AASDH: variants seen among roughly 807,000 people sequenced by gnomAD.
AASDH encodes the protein aminoadipate-semialdehyde dehydrogenase, also known as beta-alanine-activating enzyme.
In AASDH, 81 loss-of-function variants were observed where a neutral mutation model predicts 102.3. The ratio of observed to expected loss-of-function variants is 0.79; its 90% CI spans 0.66 to 0.95. The LOEUF is 0.95. Ranked by LOEUF, AASDH falls within the 40% of genes least tolerant of loss-of-function variation. AASDH has a pLI of 0.00. For synonymous variants in AASDH, 398 were observed against 454.0 expected (o/e 0.88, Z 1.57); for missense variants, 1,203 against 1,266.2 (o/e 0.95, Z 0.76).
chr4:56,355,147 C>G, intron 6 of AASDH, 35 bp downstream of exon 6: 1 of 1,586,510 alleles, frequency 6.3e-7, no homozygotes, highest in Non-Finnish European at 8.6e-7. Flanking sequence ...AATATACAGT[C>G]TCTCTTCTCT....
chr4:56,342,765 G>C (rs1747849281), intron 14 of AASDH, 70 bp downstream of exon 14: 1 of 634,088 alleles, frequency 1.6e-6, no homozygotes, highest in Admixed American at 5.5e-5. Context: ...AAAATTTCTA[G>C]TTCTATTTTT....
intron 5 of AASDH, among the ~76,000 whole-genome samples, chr4:56,365,995 A>T (rs1750951027): frequency 6.6e-6 from 1 of 152,198 alleles, no homozygotes; most frequent in Non-Finnish European, 1.5e-5. Flanking sequence ...AGAAGAAAAG[A>T]GAGAAGAATC....
rs954444722 is a variant in AASDH at position 56,384,413 on chromosome 4, C to T, written c.-42-72G>A. The T allele has an allele frequency of 1.1e-5, 8 of 696,792 alleles. No homozygotes were observed. The Admixed American group carries it at 2.1e-4, about 19-fold the overall frequency. 43.2% of individuals were successfully genotyped at this position (696,792 alleles called of 1,614,324 possible). On this transcript the variant is annotated intron_variant, in intron 1 of 14. Transcript: ENST00000205214. ...TCGGTGGAGGGACAGGGAAAAACTT[C>T]TCTACAATAATATCTCACAAAAATA...
At position 56,354,955 on chromosome 4, in the gene AASDH, G is replaced by A. The variant is rs1749423615; in HGVS notation, c.1104-144C>T. Reference sequence around the variant, plus strand: ...AAGACTGACAAGAGGAAAAGGTTAGGTGGAAAGGTAACCATATATGTTATT... The same window carrying A: ...AAGACTGACAAGAGGAAAAGGTTAGATGGAAAGGTAACCATATATGTTATT... On this transcript the variant is annotated intron_variant, in intron 6 of 14. Transcript: ENST00000205214. 3.5e-6 allele frequency: 3 copies of A among 851,744 alleles called. No homozygotes were observed. In the African/African-American group the frequency reaches 5.2e-5, roughly 15 times the overall value. The allele number at this position is 851,744 out of a possible 1,614,324, so 52.8% of individuals were successfully genotyped here. A position where few individuals can be genotyped will look rare whatever the true frequency, so the allele number is the denominator to read the frequency against.
intron 4 of AASDH, 21 bp downstream of exon 4, chr4:56,378,127 G>C (rs1336082100): frequency 2.6e-6 from 4 of 1,565,174 alleles, no homozygotes; most frequent in Non-Finnish European, 3.5e-6. Context: ...TTCTGAGAAA[G>C]AGTCAAAGAC....
chr4:56,363,634 A>C (rs1750602860), intron 5 of AASDH, among the ~76,000 whole-genome samples: 2 of 152,180 alleles, frequency 1.3e-5, no homozygotes, highest in South Asian at 4.1e-4. Flanking sequence ...ACCTCCAGCA[A>C]ACTCTAACAG....
chr4:56,374,423 T>C (rs1018635173), intron 4 of AASDH, among the ~76,000 whole-genome samples: 8 of 150,796 alleles, frequency 5.3e-5, no homozygotes, highest in Admixed American at 3.9e-4. Flanking sequence ...GCAGAAACCT[T>C]CTTGGAGCTT....
intron 4 of AASDH, among the ~76,000 whole-genome samples, chr4:56,377,015 C>T (rs1185325662): frequency 2.0e-5 from 3 of 148,428 alleles, no homozygotes; most frequent in African/African-American, 7.4e-5. Flanking sequence ...TGCAGTGAGC[C>T]GAGATCCCGC....
rs1262472286 is a variant in AASDH at position 56,349,477 on chromosome 4, C to T, written c.2274G>A (p.Arg758=). The change falls in exon 11 of 15, where the codon AGG becomes AGA. Residue 758 remains arginine (R), a synonymous_variant. Coordinates refer to ENST00000205214, the MANE Select transcript of AASDH (RefSeq NM_181806.4). ...CACATTTGCCTGTGTCTGACCTCCA[C>T]CTCACATGTAACTCCATTTTCTGAG... ...IGTQKMELHV[R]WRSDTGKCVD... 1.2e-6 allele frequency: 2 copies of T among 1,614,206 alleles called. No individual in the cohort carries two copies. The highest frequency in any genetic ancestry group is 1.1e-5 in the South Asian group (1 of 91,082).
intron 13 of AASDH, among the ~76,000 whole-genome samples, chr4:56,343,355 C>A (rs895044450): frequency 7.8e-5 from 7 of 89,948 alleles, no homozygotes; most frequent in Non-Finnish European, 1.4e-4. Flanking sequence ...AACAAACAAA[C>A]AAAAAAATAC....
In AASDH at chr4:56,342,949, A is replaced by C. The variant is rs772263727; in HGVS notation, c.2793T>G (p.Ile931Met). Residue 931 changes from isoleucine (I) to methionine (M), a missense_variant, in exon 14 of 15, where the codon ATT becomes ATG. By Grantham distance (10) the Ile-to-Met change is conservative. Coordinates refer to ENST00000205214, the MANE Select transcript of AASDH (RefSeq NM_181806.4). ...LAVNPATGNVIWKHSCGKPLF... is the reference protein window; with the variant it reads ...LAVNPATGNVMWKHSCGKPLF... ...GTGGTTTTCCACAGGAATGTTTCCA[A>C]ATAACGTTCCCAGTAGCCTGTCACA... 7 of 1,589,170 alleles carry C rather than the reference A, an allele frequency of 4.4e-6. No homozygotes were observed. The East Asian group carries it at 1.1e-4, about 26-fold the overall frequency.
At chr4:56,385,632 C>G (rs1189835681) in intron 1 of AASDH, among the ~76,000 whole-genome samples, 1 of 152,214 alleles carries the variant, frequency 6.6e-6, no homozygotes, top group East Asian at 1.9e-4. Context: ...CAGTCTCGCT[C>G]TGTTCCCCAG....
Position 56,342,964 on chromosome 4 carries a change from A to T in AASDH, c.2778T>A (p.Ala926=). 6 of 1,574,486 alleles carry T rather than the reference A, an allele frequency of 3.8e-6. No homozygotes were observed. Among genetic ancestry groups the T allele is most frequent in the Admixed American group, 1.9e-5 (1 of 52,970 alleles). Residue 926 remains alanine, a splice_region_variant and synonymous_variant, in exon 14 of 15, where the codon GCT becomes GCA. Coordinates refer to ENST00000205214, the MANE Select transcript of AASDH (RefSeq NM_181806.4). ...AATGTTTCCAAATAACGTTCCCAGT[A>T]GCCTGTCACAGGAAAAAGCAATTCA... ...LGGLLLAVNP[A]TGNVIWKHSC... is the part of the protein sequence containing the mutation.
chr4:56,351,570 TAA>T (rs1489116419), intron 9 of AASDH, 113 bp from the exon 10 acceptor site: 12 of 613,788 alleles, frequency 2.0e-5, no homozygotes, highest in East Asian at 1.8e-4. Flanking sequence ...AGAAATCATA[TAA>T]AGAGTTTGTT....
intron 5 of AASDH, chr4:56,356,241 A>C: frequency 1.2e-6 from 1 of 814,528 alleles, no homozygotes; most frequent in Admixed American, 1.7e-5. Context: ...AAAAGGCCTA[A>C]GAATTTTGGC....
intron 2 of AASDH, among the ~76,000 whole-genome samples, chr4:56,383,790 T>C (rs1415098801): frequency 2.0e-5 from 3 of 152,196 alleles, no homozygotes; most frequent in Non-Finnish European, 2.9e-5. Flanking sequence ...ATTGTTATAA[T>C]TGTTTTCCTT....
intron 14 of AASDH, among the ~76,000 whole-genome samples, chr4:56,340,087 T>C (rs180746514): frequency 1.3e-5 from 2 of 152,236 alleles, no homozygotes; most frequent in African/African-American, 4.8e-5. Flanking sequence ...GAGAATGGCT[T>C]GAACCCGGGA....
At chr4:56,375,181 C>T (rs1196231297) in intron 4 of AASDH, among the ~76,000 whole-genome samples, 1 of 152,002 alleles carries the variant, frequency 6.6e-6, no homozygotes. Flanking sequence ...CCTCAAACTC[C>T]TAGGCTCAGC....
intron 13 of AASDH, 128 bp from the exon 14 acceptor site, chr4:56,343,094 G>T: frequency 1.2e-6 from 1 of 858,126 alleles, no homozygotes; most frequent in Non-Finnish European, 1.6e-6. Flanking sequence ...GTGGTATGCA[G>T]ACATAAATGA....
Sources: allele counts gnomAD v4.1 joint callset (sites outside exome capture counted in the v4.1 genomes callset), GRCh38; gene constraint gnomAD v4.1.1; transcripts MANE v1.5; gene names NCBI Gene and HGNC (gene_info 2026-07-23, HGNC 2026-07-21).